The following PRTG variants were observed in gnomAD, a reference collection of about 807,000 sequenced individuals.
PRTG encodes the protein immunoglobulin superfamily, DCC subclass, member 5.
PRTG carries 67 observed loss-of-function variants against 122.5 expected under a neutral mutation model. That is an observed-to-expected ratio of 0.55 (90% confidence interval 0.45 to 0.67). The LOEUF (loss-of-function observed/expected upper bound fraction) is 0.67. PRTG is among the 30% of genes least tolerant of loss of function. The pLI is 0.00. For missense variants in PRTG, 1,435 were observed against 1,415.4 expected (o/e 1.01, Z -0.22); for synonymous variants, 554 against 501.1 (o/e 1.11, Z -1.41).
At chr15:55,677,687 C>T in intron 8 of PRTG, 110 bp downstream of exon 8, 1 of 959,836 alleles carries the variant, frequency 1.0e-6, no homozygotes, top group African/African-American at 1.7e-5. Flanking sequence ...AAGATAAATG[C>T]CACCAAATTT....
At chr15:55,707,322 C>T (rs1052712072) in intron 2 of PRTG, among the ~76,000 whole-genome samples, 3 of 152,110 alleles carry the variant, frequency 2.0e-5, no homozygotes, top group Admixed American at 2.0e-4. Flanking sequence ...TAAACTATAT[C>T]CAACTAGTGA....
At chr15:55,621,309 C>T (rs1265560456) in intron 18 of PRTG, among the ~76,000 whole-genome samples, 2 of 152,114 alleles carry the variant, frequency 1.3e-5, no homozygotes, top group African/African-American at 4.8e-5. Flanking sequence ...TGAGATCAAG[C>T]CACTGCACTC....
rs1230863104 is a variant in PRTG, at chr15:55,678,725, T to C, written c.1133+561A>G. 4.6e-5 allele frequency among the ~76,000 whole-genome samples: 7 copies of C among 152,346 alleles called. No homozygotes were observed. The East Asian group carries it at 1.3e-3, about 29-fold the overall frequency. On this transcript the variant is annotated intron_variant, in intron 7 of 19. Coordinates refer to ENST00000389286, the MANE Select transcript of PRTG (RefSeq NM_173814.6). Reference sequence around the variant, plus strand: ...AGGTAACAACTTATTTTTTTAAATTTGGCTCATTAAGAATTTATATGACTT... The same window carrying C: ...AGGTAACAACTTATTTTTTTAAATTCGGCTCATTAAGAATTTATATGACTT...
At chr15:55,728,552 A>C (rs553211624) in intron 2 of PRTG, among the ~76,000 whole-genome samples, 2 of 152,304 alleles carry the variant, frequency 1.3e-5, no homozygotes, top group Admixed American at 6.5e-5. Context: ...AATCCAATAC[A>C]CCTTCATAAT....
At chr15:55,721,021 T>A (rs1376903107) in intron 2 of PRTG, among the ~76,000 whole-genome samples, 3 of 152,064 alleles carry the variant, frequency 2.0e-5, no homozygotes. Context: ...ATTACCTTGT[T>A]CCCTACATTT....
chr15:55,640,615 T>C (rs1415197138), intron 12 of PRTG, among the ~76,000 whole-genome samples: 1 of 152,210 alleles, frequency 6.6e-6, no homozygotes, highest in African/African-American at 2.4e-5. Flanking sequence ...TCAGTGGTTA[T>C]TTTCCTCAGT....
intron 8 of PRTG, 121 bp from the exon 9 acceptor site, chr15:55,675,804 C>T (rs2059499421): frequency 2.0e-6 from 1 of 505,436 alleles, no homozygotes; most frequent in East Asian, 2.9e-5. Context: ...TCTTCTGTGC[C>T]CCTTTACAAA....
Position 55,616,325 on chromosome 15 carries a change from T to G in PRTG, c.*3687A>C, listed in dbSNP as rs902743949. 1.3e-5 allele frequency: 2 copies of G among 152,102 alleles called. No individual in the cohort carries two copies. Among genetic ancestry groups the G allele is most frequent in the African/African-American group, 4.8e-5 (2 of 41,438 alleles). 9.4% of individuals were successfully genotyped at this position (152,102 alleles called of 1,614,324 possible). ...AGCATAGCCCACTTAAAGAATGACA[T>G]GATTTGTTTGCCTCTTACATCCTTA... is the stretch of plus-strand genomic sequence containing the variant. On this transcript the variant is annotated 3_prime_UTR_variant, in exon 20 of 20. Coordinates refer to ENST00000389286, the MANE Select transcript of PRTG (RefSeq NM_173814.6).
chr15:55,668,048 A>G (rs538481024), intron 11 of PRTG, among the ~76,000 whole-genome samples: 50 of 152,350 alleles, frequency 3.3e-4, no homozygotes, highest in African/African-American at 1.2e-3. Context: ...AGATGGCACC[A>G]CTGCACTCCA....
At chr15:55,726,251 A>G (rs1366351492) in intron 2 of PRTG, among the ~76,000 whole-genome samples, 3 of 151,572 alleles carry the variant, frequency 2.0e-5, no homozygotes, top group Non-Finnish European at 4.4e-5. Context: ...TAATTTTTCT[A>G]TTTTTCATAG....
intron 2 of PRTG, among the ~76,000 whole-genome samples, chr15:55,708,380 G>T (rs1041135128): frequency 6.6e-6 from 1 of 151,556 alleles, no homozygotes; most frequent in Non-Finnish European, 1.5e-5. Context: ...AAGCCTAGGC[G>T]GGTGGATCAT....
Position 55,672,617 on chromosome 15 carries a change from C to A in PRTG, c.1869G>T (p.Glu623Asp). 1 of 1,613,008 alleles carries A rather than the reference C, an allele frequency of 6.2e-7. No homozygotes were observed. Among genetic ancestry groups the A allele is most frequent in the East Asian group, 2.2e-5 (1 of 44,856 alleles). Residue 623 changes from glutamate to aspartate, a missense_variant, in exon 11 of 20, where the codon GAG becomes GAT. Glu to Asp is a conservative substitution (Grantham distance 45). Transcript: ENST00000389286. ...TACAGTTCAGAGGCTCCAAATGCAACTCTGGAGACTTAGGGGCTAGCAAAA... is the reference window on the plus strand; with the variant it reads ...TACAGTTCAGAGGCTCCAAATGCAAATCTGGAGACTTAGGGGCTAGCAAAA... ...ATSVKAPKSP[E>D]LHLEPLNCTT...
At chr15:55,707,295 T>C (rs1043194781) in intron 2 of PRTG, among the ~76,000 whole-genome samples, 7 of 152,234 alleles carry the variant, frequency 4.6e-5, no homozygotes, top group African/African-American at 1.7e-4. Context: ...GTACCTTCTA[T>C]AGGACAAAAT....
intron 15 of PRTG, among the ~76,000 whole-genome samples, chr15:55,635,104 T>TG (rs773250114): frequency 2.7e-5 from 3 of 112,634 alleles, no homozygotes; most frequent in African/African-American, 4.6e-5. Context: ...TGTGTGTGTG[T>TG]TTTTTGAGAC....
intron 13 of PRTG, among the ~76,000 whole-genome samples, chr15:55,639,362 C>T (rs1310885231): frequency 2.0e-5 from 3 of 152,140 alleles, no homozygotes; most frequent in Admixed American, 2.0e-4. Context: ...TAAACATGCT[C>T]AGTTTAATCA....
In PRTG at chr15:55,612,737, T is replaced by TATATATATATATATATATACATATAC. The variant is rs1567067860; in HGVS notation, c.*7274_*7275insGTATATGTATATATATATATATATAT. The TATATATATATATATATATACATATAC allele has an allele frequency of 1.8e-5, 1 of 54,314 alleles. No homozygotes were observed. Among genetic ancestry groups the TATATATATATATATATATACATATAC allele is most frequent in the Admixed American group, 2.3e-4 (1 of 4,262 alleles). The allele number at this position is 54,314 out of a possible 1,614,324, so 3.4% of individuals were successfully genotyped here. A position where few individuals can be genotyped will look rare whatever the true frequency, so the allele number is the denominator to read the frequency against. ...ATATATATATATATATATATATATA[T>TATATATATATATATATATACATATAC]ATATATATATATGACTTAAATTGGA... On this transcript the variant is annotated 3_prime_UTR_variant, in exon 20 of 20. Coordinates refer to ENST00000389286, the MANE Select transcript of PRTG (RefSeq NM_173814.6).
rs2059484427 is a variant in PRTG at position 55,673,453 on chromosome 15, C to G, written c.1770G>C (p.Arg590=). Residue 590 remains arginine (R), a synonymous_variant, in exon 10 of 20, where the codon CGG becomes CGC. Transcript: ENST00000389286. ...GLKPDSVYLV[R]ITAATRVGLG... ...GCCCCACTCTGGTGGCAGCAGTAAT[C>G]CGAACCAGGTAGACACTGTCAGGTT... 1 of 1,614,126 alleles carries G rather than the reference C, an allele frequency of 6.2e-7. No homozygotes were observed. Among genetic ancestry groups the G allele is most frequent in the Non-Finnish European group, 8.5e-7 (1 of 1,179,996 alleles).
chr15:55,741,076 C>A (rs879256936), intron 1 of PRTG, among the ~76,000 whole-genome samples: 1 of 152,186 alleles, frequency 6.6e-6, no homozygotes, highest in Non-Finnish European at 1.5e-5. Flanking sequence ...AAATCATTAG[C>A]AAAACTCCAA....
intron 4 of PRTG, 129 bp downstream of exon 4, chr15:55,682,235 A>G: frequency 1.3e-6 from 1 of 776,140 alleles, no homozygotes; most frequent in Non-Finnish European, 1.8e-6. Flanking sequence ...AAAAATGACC[A>G]TTTTCCAAAT....
Sources: allele counts gnomAD v4.1 joint callset (sites outside exome capture counted in the v4.1 genomes callset), GRCh38; gene constraint gnomAD v4.1.1; transcripts MANE v1.5; gene names NCBI Gene and HGNC (gene_info 2026-07-23, HGNC 2026-07-21).